Variants in COL22A1 observed in about 807,000 individuals in gnomAD.
COL22A1 encodes the protein collagen type XXII alpha 1 chain.
COL22A1 carries 221 observed loss-of-function variants against 248.9 expected under a neutral mutation model. That is an observed-to-expected ratio of 0.89 (90% CI 0.80 to 0.99). The LOEUF is 0.99. Among genes scored for constraint, COL22A1 ranks in the 50% least tolerant of loss-of-function variants. The pLI is 0.00. For synonymous variants in COL22A1, 891 were observed against 793.4 expected (o/e 1.12, Z -2.07); for missense variants, 2,240 against 2,179.0 (o/e 1.03, Z -0.56).
intron 3 of COL22A1, among the ~76,000 whole-genome samples, chr8:138,857,132 C>T (rs578141927): frequency 5.9e-5 from 9 of 152,102 alleles, no homozygotes; most frequent in African/African-American, 9.6e-5. Context: ...TGCCTCTGCC[C>T]ACGCCTGCCC....
chr8:138,620,708 G>A (rs779065256), intron 52 of COL22A1: 1 of 152,188 alleles, frequency 6.6e-6, no homozygotes, highest in Non-Finnish European at 1.5e-5. Flanking sequence ...CCTGACTCTT[G>A]TTAACCCTCA....
intron 3 of COL22A1, among the ~76,000 whole-genome samples, chr8:138,844,657 A>G (rs1402296169): frequency 6.6e-6 from 1 of 152,206 alleles, no homozygotes; most frequent in African/African-American, 2.4e-5. Context: ...TCATTTAGGA[A>G]AGCATGCACA....
chr8:138,815,662 C>A (rs1200795772), intron 7 of COL22A1, among the ~76,000 whole-genome samples: 1 of 152,154 alleles, frequency 6.6e-6, no homozygotes, highest in Non-Finnish European at 1.5e-5. Context: ...TTTTAAACAT[C>A]CCTAATAGAA....
intron 22 of COL22A1, among the ~76,000 whole-genome samples, chr8:138,745,174 T>C (rs1832007151): frequency 6.6e-6 from 1 of 150,960 alleles, no homozygotes; most frequent in South Asian, 2.1e-4. Flanking sequence ...TATACAATTT[T>C]TTTTTACCAA....
At chr8:138,693,984 A>G (rs576479768) in intron 34 of COL22A1, among the ~76,000 whole-genome samples, 1 of 152,100 alleles carries the variant, frequency 6.6e-6, no homozygotes, top group Non-Finnish European at 1.5e-5. Context: ...ACAGCCAGGC[A>G]AGGTCCCCAG....
intron 22 of COL22A1, among the ~76,000 whole-genome samples, chr8:138,741,098 C>T (rs1378400657): frequency 1.3e-5 from 2 of 152,218 alleles, no homozygotes; most frequent in Non-Finnish European, 2.9e-5. Context: ...CTGCTTAGCT[C>T]AGCCCCAAAT....
chr8:138,667,158 A>C (rs1203480596), intron 41 of COL22A1, among the ~76,000 whole-genome samples: 4 of 152,228 alleles, frequency 2.6e-5, no homozygotes, highest in Non-Finnish European at 4.4e-5. Context: ...CTGAAGCTCA[A>C]ATATGTTTTC....
chr8:138,694,268 C>A (rs1827318866), intron 34 of COL22A1, among the ~76,000 whole-genome samples: 1 of 152,192 alleles, frequency 6.6e-6, no homozygotes, highest in South Asian at 2.1e-4. Flanking sequence ...CTCACCTACA[C>A]CAACCCTTTA....
At chr8:138,693,722 G>T in intron 34 of COL22A1, 23 bp from the exon 35 acceptor site, 1 of 1,558,020 alleles carries the variant, frequency 6.4e-7, no homozygotes, top group East Asian at 2.4e-5. Flanking sequence ...TAAAAGAGGG[G>T]CGGGGGTAAG....
At chr8:138,734,484 T>C (rs1830958256) in intron 23 of COL22A1, among the ~76,000 whole-genome samples, 1 of 152,150 alleles carries the variant, frequency 6.6e-6, no homozygotes, top group Non-Finnish European at 1.5e-5. Flanking sequence ...CACATGGATA[T>C]GTCAGGAAGA....
At chr8:138,602,539 C>G (rs1026556796) in intron 59 of COL22A1, among the ~76,000 whole-genome samples, 1 of 152,178 alleles carries the variant, frequency 6.6e-6, no homozygotes, top group Non-Finnish European at 1.5e-5. Context: ...GATAGTTCTG[C>G]GGTCTCATGG....
intron 3 of COL22A1, among the ~76,000 whole-genome samples, chr8:138,854,820 A>G (rs1434530623): frequency 6.6e-6 from 1 of 151,664 alleles, no homozygotes; most frequent in African/African-American, 2.4e-5. Flanking sequence ...GATGATGGTG[A>G]TGATGGTGAC....
chr8:138,611,556 C>T (rs1399933902), intron 56 of COL22A1, among the ~76,000 whole-genome samples: 1 of 152,164 alleles, frequency 6.6e-6, no homozygotes, highest in Non-Finnish European at 1.5e-5. Context: ...ACATTTTTTC[C>T]TAATCTCTCC....
chr8:138,688,326 G>C (rs1357064260), intron 37 of COL22A1, among the ~76,000 whole-genome samples: 1 of 152,000 alleles, frequency 6.6e-6, no homozygotes, highest in African/African-American at 2.4e-5. Context: ...TTTGAGACCA[G>C]CCTGAGCAAC....
At chr8:138,642,615 A>T (rs190402848) in intron 47 of COL22A1, among the ~76,000 whole-genome samples, 16 of 152,348 alleles carry the variant, frequency 1.1e-4, no homozygotes, top group African/African-American at 3.1e-4. Context: ...AGGGAACAAA[A>T]GCAGGGCCGT....
chr8:138,609,005 G>A lies in COL22A1; in HGVS notation c.3979-1016C>T, dbSNP rs116846101. On this transcript the variant is annotated intron_variant, in intron 56 of 64. Coordinates refer to ENST00000303045, the MANE Select transcript of COL22A1 (RefSeq NM_152888.3). ...AGGACATCCTAGAGAATCACTCTCC[G>A]TTGATCCTTTAACCAAGAGGTGTGA... 3.9e-4 allele frequency among the ~76,000 whole-genome samples: 59 copies of A among 152,320 alleles called. 2 individuals carry two copies. The East Asian group carries it at 8.1e-3, about 21-fold the overall frequency.
chr8:138,846,259 T>A (rs763714876), intron 3 of COL22A1, among the ~76,000 whole-genome samples: 35 of 152,184 alleles, frequency 2.3e-4, no homozygotes, highest in Non-Finnish European at 3.5e-4. Flanking sequence ...GGGAATTGCG[T>A]GTCATTTTAA....
At chr8:138,878,341 C>A in intron 2 of COL22A1, 25 bp from the exon 3 acceptor site, 1 of 1,488,128 alleles carries the variant, frequency 6.7e-7, no homozygotes, top group Non-Finnish European at 9.0e-7. Flanking sequence ...GAAGGGGTGG[C>A]GTAGGGCAAA....
chr8:138,710,927 C>G (rs922729328), intron 30 of COL22A1, among the ~76,000 whole-genome samples: 7 of 152,112 alleles, frequency 4.6e-5, no homozygotes, highest in African/African-American at 1.7e-4. Flanking sequence ...TAAGTGTTTT[C>G]CCAGTTGAAT....
Sources: gnomAD v4.1 joint callset for allele counts (sites outside exome capture counted in the v4.1 genomes callset) on GRCh38, gnomAD v4.1.1 for gene constraint, MANE v1.5 for transcripts, NCBI Gene and HGNC (gene_info 2026-07-23, HGNC 2026-07-21) for gene names.